PDK1: variants seen among roughly 807,000 people sequenced by gnomAD.
PDK1 encodes the protein pyruvate dehydrogenase kinase 1, also known as [Pyruvate dehydrogenase (acetyl-transferring)] kinase isozyme 1, mitochondrial.
Under a neutral mutation model 54.2 loss-of-function variants are expected in PDK1, and 39 were observed. That is an observed-to-expected ratio of 0.72 (90% CI 0.56 to 0.94). PDK1 has a LOEUF of 0.94. PDK1 is among the 40% of genes least tolerant of loss of function. The pLI, the probability that PDK1 is intolerant of heterozygous loss-of-function variation, is 0.00. For missense variants in PDK1, 552 were observed against 566.0 expected, an observed-to-expected ratio of 0.98 and a Z score of 0.25; for synonymous variants, 221 against 207.1, an observed-to-expected ratio of 1.07 and a Z score of -0.58.
Position 172,586,300 on chromosome 2 carries a change from T to C in PDK1, c.968T>C (p.Val323Ala). Residue 323 changes from valine (V) to alanine (A), a missense_variant, in exon 9 of 11, where the codon GTT becomes GCT. Transcript: ENST00000282077. Reference protein sequence around the residue: ...TVKMSDRGGGVPLRKIDRLFN... With the variant: ...TVKMSDRGGGAPLRKIDRLFN... ...TAGATGAGTGACCGAGGAGGTGGCG[T>C]TCCTTTGAGGAAAATTGACAGACTT... The C allele has an allele frequency of 6.2e-7, 1 of 1,612,650 alleles. No individual in the cohort carries two copies. The highest frequency in any genetic ancestry group is 8.5e-7 in the Non-Finnish European group (1 of 1,178,780).
At chr2:172,701,397 C>G in the PDK1 span, among the ~76,000 whole-genome samples, 1 of 152,302 alleles carries the variant, frequency 6.6e-6, no homozygotes. Context: ...CAAATGAATT[C>G]CCTGAGTCGC....
chr2:172,568,786 A>ATCTCTATCACATG lies in PDK1; in HGVS notation c.816_828dup (p.Val277SerfsTer7). The ATCTCTATCACATG allele has an allele frequency of 6.2e-7, 1 of 1,608,044 alleles. No homozygotes were observed. Among genetic ancestry groups the ATCTCTATCACATG allele is most frequent in the Non-Finnish European group, 8.5e-7 (1 of 1,174,436 alleles). On this transcript the variant is annotated frameshift_variant, in exon 7 of 11. Transcript: ENST00000282077. LOFTEE classifies it high-confidence loss of function. ...ATACAAGTGGTTTATGTACCATCCC[A>ATCTCTATCACATG]TCTCTATCACATGGTGTTTGAACTT...
At chr2:172,662,100 G>A in the PDK1 span, among the ~76,000 whole-genome samples, 1 of 152,184 alleles carries the variant, frequency 6.6e-6, no homozygotes, top group South Asian at 2.1e-4. Context: ...TTCAGTACAA[G>A]GAAGTCATTC....
At chr2:172,691,896 T>C in the PDK1 span, among the ~76,000 whole-genome samples, 1 of 152,362 alleles carries the variant, frequency 6.6e-6, no homozygotes, top group African/African-American at 2.4e-5. Flanking sequence ...AGTTTTTGTG[T>C]GGACATAAGT....
the PDK1 span, among the ~76,000 whole-genome samples, chr2:172,717,111 G>A: frequency 6.6e-6 from 1 of 152,220 alleles, no homozygotes; most frequent in Admixed American, 6.5e-5. Flanking sequence ...TTGGCCAATG[G>A]AATATGGCAG....
At chr2:172,695,420 G>A in the PDK1 span, among the ~76,000 whole-genome samples, 1 of 152,160 alleles carries the variant, frequency 6.6e-6, no homozygotes, top group Non-Finnish European at 1.5e-5. Context: ...CTATAGGGTA[G>A]AGATTACAAT....
chr2:172,642,549 C>G, the PDK1 span, among the ~76,000 whole-genome samples: 4 of 152,190 alleles, frequency 2.6e-5, no homozygotes, highest in Non-Finnish European at 5.9e-5. Flanking sequence ...AGCGTGGGAC[C>G]CAATGGCTCT....
the PDK1 span, among the ~76,000 whole-genome samples, chr2:172,722,339 AATCTT>A: frequency 1.1e-4 from 17 of 152,326 alleles, no homozygotes; most frequent in African/African-American, 4.1e-4. Flanking sequence ...AACCCTAACT[AATCTT>A]ATCCTTTCCT....
At chr2:172,630,477 G>C in the PDK1 span, among the ~76,000 whole-genome samples, 1 of 152,146 alleles carries the variant, frequency 6.6e-6, no homozygotes, top group Non-Finnish European at 1.5e-5. Context: ...TACCATATTG[G>C]AGAGAACAGA....
chr2:172,624,774 G>A, the PDK1 span, among the ~76,000 whole-genome samples: 7 of 152,188 alleles, frequency 4.6e-5, no homozygotes, highest in African/African-American at 1.2e-4. Context: ...CGAGGTGGGC[G>A]GATCACCTGA....
At chr2:172,560,398 G>T (rs981711183) in intron 2 of PDK1, among the ~76,000 whole-genome samples, 1 of 152,122 alleles carries the variant, frequency 6.6e-6, no homozygotes, top group African/African-American at 2.4e-5. Flanking sequence ...GAACTCCTGG[G>T]CTCAAGCAGT....
the PDK1 span, among the ~76,000 whole-genome samples, chr2:172,620,620 G>A: frequency 6.6e-6 from 1 of 152,130 alleles, no homozygotes; most frequent in Non-Finnish European, 1.5e-5. Context: ...CTTAGTGGGA[G>A]GTGACTGGAT....
At chr2:172,572,287 G>A (rs775041751) in intron 8 of PDK1, among the ~76,000 whole-genome samples, 2 of 152,148 alleles carry the variant, frequency 1.3e-5, no homozygotes, top group Non-Finnish European at 2.9e-5. Context: ...TATGAAATTC[G>A]AAGCTGAGAA....
chr2:172,637,471 A>G, the PDK1 span, among the ~76,000 whole-genome samples: 1 of 152,212 alleles, frequency 6.6e-6, no homozygotes, highest in African/African-American at 2.4e-5. Flanking sequence ...GGATAAATAA[A>G]TGTTGGGACT....
the PDK1 span, among the ~76,000 whole-genome samples, chr2:172,690,699 C>A: frequency 6.7e-6 from 1 of 150,060 alleles, no homozygotes; most frequent in Non-Finnish European, 1.5e-5. Context: ...ATGTCCTTTG[C>A]AGGGACATGG....
the PDK1 span, among the ~76,000 whole-genome samples, chr2:172,714,862 C>T: frequency 5.3e-5 from 8 of 152,082 alleles, no homozygotes; most frequent in African/African-American, 1.9e-4. Flanking sequence ...TTTTGTTCAG[C>T]TACTATGCCT....
the PDK1 span, among the ~76,000 whole-genome samples, chr2:172,661,355 T>TA: frequency 6.6e-6 from 1 of 152,198 alleles, no homozygotes; most frequent in African/African-American, 2.4e-5. Context: ...ACAAAGGTAA[T>TA]AAATACTCAA....
chr2:172,593,776 G>A (rs751611138), intron 10 of PDK1, among the ~76,000 whole-genome samples: 2 of 152,064 alleles, frequency 1.3e-5, no homozygotes, highest in Non-Finnish European at 2.9e-5. Flanking sequence ...GCATTAAGGA[G>A]GGTTCCACAC....
the PDK1 span, among the ~76,000 whole-genome samples, chr2:172,721,035 C>T: frequency 6.6e-6 from 1 of 152,218 alleles, no homozygotes. Flanking sequence ...CCTGTACTGT[C>T]ACACTAGTTC....
Sources: gnomAD v4.1 joint callset for allele counts (sites outside exome capture counted in the v4.1 genomes callset) on GRCh38, gnomAD v4.1.1 for gene constraint, MANE v1.5 for transcripts, NCBI Gene and HGNC (gene_info 2026-07-23, HGNC 2026-07-21) for gene names.